FAAH2: variants seen among roughly 807,000 people sequenced by gnomAD.
The protein encoded by FAAH2 is fatty acid amide hydrolase 2, also known as fatty-acid amide hydrolase 2.
A neutral mutation model predicts 36.9 loss-of-function variants in FAAH2; 60 were observed. That is an observed-to-expected ratio of 1.63 (90% CI 1.32 to 2.02). FAAH2 has a LOEUF of 2.02. Among genes scored for constraint, FAAH2 ranks in the 30% most tolerant of loss-of-function variants. The probability of loss-of-function intolerance (pLI) is 0.00; values close to 1 mark genes in which losing one functional copy is unlikely to be tolerated. For missense variants in FAAH2, 689 were observed against 397.5 expected (o/e 1.73, Z -6.23); for synonymous variants, 214 against 143.8 (o/e 1.49, Z -3.49).
At chrX:57,125,338 C>T in the FAAH2 span, among the ~76,000 whole-genome samples, 9 of 112,218 alleles carry the variant, frequency 8.0e-5, no homozygotes, top group East Asian at 1.4e-3. Context: ...ACCAGCCTTG[C>T]GTCCCAGGGA....
At chrX:57,202,610 G>T in the FAAH2 span, among the ~76,000 whole-genome samples, 2 of 111,505 alleles carry the variant, frequency 1.8e-5, no homozygotes, top group Non-Finnish European at 3.8e-5. Context: ...ACTGGTTCTT[G>T]CCCGAGGCCT....
chrX:57,410,216 C>T (rs756901351), intron 7 of FAAH2, among the ~76,000 whole-genome samples: 18 of 110,923 alleles, frequency 1.6e-4, no homozygotes, highest in South Asian at 1.5e-3. Flanking sequence ...AACATTGTGG[C>T]TGAAATGATA....
At chrX:57,212,161 G>T in the FAAH2 span, among the ~76,000 whole-genome samples, 1 of 111,685 alleles carries the variant, frequency 9.0e-6, no homozygotes, top group South Asian at 3.8e-4. Context: ...TTGAAACAAG[G>T]AGTTTAAGGC....
intron 10 of FAAH2, among the ~76,000 whole-genome samples, chrX:57,476,707 C>A (rs1233013819): frequency 1.8e-5 from 2 of 111,276 alleles, no homozygotes; most frequent in Non-Finnish European, 3.8e-5. Context: ...TCATAAGATG[C>A]ATTAAGGAGG....
the FAAH2 span, among the ~76,000 whole-genome samples, chrX:57,204,598 C>A: frequency 6.3e-5 from 7 of 111,967 alleles, no homozygotes; most frequent in African/African-American, 2.3e-4. Flanking sequence ...ATAACCTCTA[C>A]CCCAATTTAC....
chrX:57,220,400 C>T, the FAAH2 span, among the ~76,000 whole-genome samples: 6 of 110,851 alleles, frequency 5.4e-5, no homozygotes, highest in Non-Finnish European at 1.1e-4. Flanking sequence ...TGTCTATCCT[C>T]CACTGCCTAT....
chrX:57,468,352 A>G (rs747954688), intron 10 of FAAH2, among the ~76,000 whole-genome samples: 1 of 111,685 alleles, frequency 9.0e-6, no homozygotes, highest in African/African-American at 3.2e-5. Context: ...ACGTTGAAAA[A>G]AGATTAGATG....
At chrX:57,150,899 C>T in the FAAH2 span, among the ~76,000 whole-genome samples, 6 of 111,947 alleles carry the variant, frequency 5.4e-5, no homozygotes, top group African/African-American at 1.6e-4. Context: ...TGGGTGGTAC[C>T]GGATGTTCCT....
the FAAH2 span, among the ~76,000 whole-genome samples, chrX:57,122,412 G>T: frequency 1.8e-5 from 2 of 111,693 alleles, no homozygotes; most frequent in Admixed American, 1.9e-4. Flanking sequence ...CCAGTACTGG[G>T]CATTTGACAT....
Position 57,393,239 on chromosome X carries a change from C to T in FAAH2, c.996+12210C>T. The T allele has an allele frequency of 3.3e-6, 4 of 1,197,837 alleles. No homozygotes were observed. In the African/African-American group the frequency reaches 5.2e-5, roughly 16 times the overall value. On this transcript the variant is annotated intron_variant, in intron 7 of 10. Coordinates refer to ENST00000374900, the MANE Select transcript of FAAH2 (RefSeq NM_174912.4). Reference sequence around the variant, plus strand: ...ATTTTCAGTTTGTTTCTTCAAGTTACTGAAGCCTTTTTCAACCAGCTCCAG... The same window carrying T: ...ATTTTCAGTTTGTTTCTTCAAGTTATTGAAGCCTTTTTCAACCAGCTCCAG...
At chrX:57,243,451 G>T in the FAAH2 span, among the ~76,000 whole-genome samples, 20 of 112,262 alleles carry the variant, frequency 1.8e-4, no homozygotes, top group African/African-American at 5.5e-4. Context: ...CCTCCTGACT[G>T]TGAGGCACCT....
At chrX:57,216,592 A>ACG in the FAAH2 span, among the ~76,000 whole-genome samples, 3 of 38,479 alleles carry the variant, frequency 7.8e-5, no homozygotes, top group African/African-American at 3.1e-4. Context: ...GTATATGTAT[A>ACG]TATATGTATA....
At chrX:57,311,275 T>C (rs907705556) in intron 3 of FAAH2, among the ~76,000 whole-genome samples, 6 of 112,188 alleles carry the variant, frequency 5.3e-5, no homozygotes, top group African/African-American at 1.9e-4. Flanking sequence ...GCTAAATTAG[T>C]ACTTAGAGGG....
At chrX:57,174,073 G>A in the FAAH2 span, among the ~76,000 whole-genome samples, 2 of 110,771 alleles carry the variant, frequency 1.8e-5, no homozygotes, top group African/African-American at 6.6e-5. Context: ...GGTAATAATG[G>A]CTTTGTAAAA....
upstream of FAAH2, among the ~76,000 whole-genome samples, chrX:57,283,371 C>T (rs1331384320): frequency 9.0e-6 from 1 of 111,177 alleles, no homozygotes; most frequent in Non-Finnish European, 1.9e-5. Flanking sequence ...GTGGGGACCC[C>T]GCTTGGGGAA....
the FAAH2 span, among the ~76,000 whole-genome samples, chrX:57,273,851 C>A: frequency 9.0e-6 from 1 of 111,311 alleles, no homozygotes; most frequent in African/African-American, 3.3e-5. Context: ...ATTAAAAGAA[C>A]TAGAGAAGCA....
chrX:57,124,562 G>C, the FAAH2 span, among the ~76,000 whole-genome samples: 1 of 111,714 alleles, frequency 9.0e-6, no homozygotes, highest in Admixed American at 9.5e-5. Flanking sequence ...TAGCTTAATG[G>C]GGAACGCATT....
At chrX:57,464,956 A>G (rs1023975350) in intron 10 of FAAH2, among the ~76,000 whole-genome samples, 2 of 112,217 alleles carry the variant, frequency 1.8e-5, no homozygotes, top group Non-Finnish European at 3.8e-5. Context: ...ATATTTAAGG[A>G]TATTCAGACA....
chrX:57,234,137 T>A, the FAAH2 span, among the ~76,000 whole-genome samples: 1 of 112,893 alleles, frequency 8.9e-6, no homozygotes, highest in East Asian at 2.8e-4. Context: ...CTTTTTTAAG[T>A]TTTTGTATTA....
Sources: allele counts gnomAD v4.1 joint callset (sites outside exome capture counted in the v4.1 genomes callset), GRCh38; gene constraint gnomAD v4.1.1; transcripts MANE v1.5; gene names NCBI Gene and HGNC (gene_info 2026-07-23, HGNC 2026-07-21).